Variants in AKT3 observed in about 807,000 individuals in gnomAD.
AKT3 encodes the protein AKT serine/threonine kinase 3.
AKT3 carries 15 observed loss-of-function variants against 65.3 expected under a neutral mutation model. That is an observed-to-expected ratio of 0.23 (90% CI 0.15 to 0.35). The LOEUF (loss-of-function observed/expected upper bound fraction) is 0.35. AKT3 is among the 10% of genes least tolerant of loss of function. The pLI is 1.00. For missense variants in AKT3, 243 were observed against 576.5 expected (o/e 0.42, Z 5.92); for synonymous variants, 206 against 183.8 (o/e 1.12, Z -0.98).
chr1:243,681,708 T>C (rs570654058), intron 3 of AKT3, among the ~76,000 whole-genome samples: 2 of 152,140 alleles, frequency 1.3e-5, no homozygotes, highest in African/African-American at 2.4e-5. Context: ...CATATATGAT[T>C]AAATGCATTC....
At chr1:243,809,543 G>A (rs1447785651) in intron 2 of AKT3, among the ~76,000 whole-genome samples, 3 of 152,310 alleles carry the variant, frequency 2.0e-5, no homozygotes, top group Admixed American at 1.3e-4. Flanking sequence ...CAAGACCTTA[G>A]AGACCTACAA....
chr1:243,826,833 G>A (rs1056324471), intron 2 of AKT3, among the ~76,000 whole-genome samples: 3 of 152,056 alleles, frequency 2.0e-5, no homozygotes, highest in Non-Finnish European at 4.4e-5. Flanking sequence ...AGACTATGAT[G>A]TACAATTCCT....
At chr1:243,646,120 A>G (rs774944294) in intron 4 of AKT3, 83 bp from the exon 5 acceptor site, 142 of 1,207,590 alleles carry the variant, frequency 1.2e-4, no homozygotes, top group Non-Finnish European at 1.6e-4. Context: ...TGAAATCAAT[A>G]CAAATAAAAT....
At position 243,646,000 on chromosome 1, in the gene AKT3, T is replaced by C. The variant is rs1680780231; in HGVS notation, c.322A>G (p.Arg108Gly). Residue 108 changes from arginine to glycine, a missense_variant, in exon 5 of 14, where the codon AGA becomes GGA. Coordinates refer to ENST00000673466, the MANE Select transcript of AKT3 (RefSeq NM_005465.7). ...CTCTCCTCTTCTTGCCTCTGCAGTC[T>C]GTCTGCTACAGCCTGGATAGCTTCT... Reference protein sequence around the residue: ...WTEAIQAVADRLQRQEEERMN... With the variant: ...WTEAIQAVADGLQRQEEERMN... The C allele has an allele frequency of 1.2e-6, 2 of 1,613,148 alleles. No individual in the cohort carries two copies.
At chr1:243,722,308 G>A (rs1347404568) in intron 2 of AKT3, among the ~76,000 whole-genome samples, 1 of 152,040 alleles carries the variant, frequency 6.6e-6, no homozygotes, top group Non-Finnish European at 1.5e-5. Flanking sequence ...CAGAGAAAAA[G>A]ATATACATTA....
At chr1:243,496,358 G>A (rs913265533), downstream of AKT3, among the ~76,000 whole-genome samples, 3 of 152,238 alleles carry the variant, frequency 2.0e-5, no homozygotes, top group Admixed American at 2.0e-4. Flanking sequence ...GAGCCACCAA[G>A]CGAGGCAGGG....
rs758312599 is a variant in AKT3 at position 243,796,539 on chromosome 1, C to T, written c.46+46586G>A. On this transcript the variant is annotated intron_variant, in intron 2 of 13. Transcript: ENST00000673466. ...AGGTCTTTCAAAGCCTAAAATAATA[C>T]GGCCAATGTATGTCTATCTCTGATC... is the stretch of plus-strand genomic sequence containing the variant. Among the ~76,000 whole-genome samples the T allele has an allele frequency of 3.3e-5, 5 of 152,168 alleles. No individual in the cohort carries two copies. The East Asian group carries it at 7.7e-4, about 23-fold the overall frequency.
At chr1:243,763,488 C>A (rs1403699388) in intron 2 of AKT3, among the ~76,000 whole-genome samples, 1 of 152,080 alleles carries the variant, frequency 6.6e-6, no homozygotes. Flanking sequence ...ACTCTACCAG[C>A]CCTTCATGGA....
chr1:243,570,198 G>A (rs917980347), intron 9 of AKT3, among the ~76,000 whole-genome samples: 4 of 152,154 alleles, frequency 2.6e-5, no homozygotes, highest in Admixed American at 6.5e-5. Context: ...ATGAGACAGC[G>A]GCAAACGGGT....
chr1:243,662,629 C>T (rs1003188432), intron 4 of AKT3, among the ~76,000 whole-genome samples: 4 of 151,136 alleles, frequency 2.6e-5, no homozygotes, highest in East Asian at 2.0e-4. Context: ...GTGGGTGCAG[C>T]GCACCAGCAT....
chr1:243,511,139 G>A (rs530781106), intron 13 of AKT3, among the ~76,000 whole-genome samples: 5 of 152,356 alleles, frequency 3.3e-5, no homozygotes, highest in South Asian at 2.1e-4. Context: ...TCACTTCAAT[G>A]GATTGGTATT....
At chr1:243,685,177 T>A (rs554528301) in intron 3 of AKT3, among the ~76,000 whole-genome samples, 1 of 152,256 alleles carries the variant, frequency 6.6e-6, no homozygotes, top group Admixed American at 6.5e-5. Flanking sequence ...TTTGTCAATT[T>A]TGGCTTTTGT....
At chr1:243,637,855 A>C (rs1027102749) in intron 5 of AKT3, 113 bp from the exon 6 acceptor site, 1 of 635,390 alleles carries the variant, frequency 1.6e-6, no homozygotes, top group African/African-American at 1.9e-5. Context: ...CCAATTTATA[A>C]GCACATTTAA....
At chr1:243,686,119 T>C (rs377332525) in intron 3 of AKT3, among the ~76,000 whole-genome samples, 1 of 152,052 alleles carries the variant, frequency 6.6e-6, no homozygotes. Context: ...CACAAACAAA[T>C]GGAAAAACAT....
rs368048012 is a variant in AKT3, at chr1:243,595,091, G to A, written c.696+18580C>T. Among the ~76,000 whole-genome samples the A allele has an allele frequency of 1.1e-4, 16 of 152,154 alleles. No individual in the cohort carries two copies. In the East Asian group the frequency reaches 1.3e-3, roughly 13 times the overall value. On this transcript the variant is annotated intron_variant, in intron 8 of 13. Coordinates refer to ENST00000673466, the MANE Select transcript of AKT3 (RefSeq NM_005465.7). ...ATACATTCTGAGAAATGTGCAATTA[G>A]ACAATTTCATCATTGTGACAACATC... is the stretch of plus-strand genomic sequence containing the variant.
At chr1:243,517,311 T>C (rs978560291) in intron 12 of AKT3, among the ~76,000 whole-genome samples, 2 of 152,220 alleles carry the variant, frequency 1.3e-5, no homozygotes, top group African/African-American at 4.8e-5. Flanking sequence ...GTTCCATAAA[T>C]GTCAGTTAGA....
intron 5 of AKT3, among the ~76,000 whole-genome samples, chr1:243,642,311 G>A (rs956135601): frequency 6.6e-6 from 1 of 151,160 alleles, no homozygotes; most frequent in East Asian, 1.9e-4. Flanking sequence ...CCTTTTTTTT[G>A]TTTGTTTGTT....
intron 13 of AKT3, among the ~76,000 whole-genome samples, chr1:243,492,627 T>TG (rs1553382547): frequency 3.5e-4 from 40 of 113,308 alleles, no homozygotes; most frequent in South Asian, 2.8e-3. Flanking sequence ...TTTTTTTTTT[T>TG]GATGAGTTTT....
Position 243,505,241 on chromosome 1 carries a change from A to G in AKT3, c.*8T>C, listed in dbSNP as rs2148345039. The G allele has an allele frequency of 6.2e-7, 1 of 1,610,350 alleles. No homozygotes were observed. Among genetic ancestry groups the G allele is most frequent in the East Asian group, 2.2e-5 (1 of 44,866 alleles). Reference sequence around the variant, plus strand: ...AAGATGACAGTGAAGTAGCAGAATGAAAGAGACTTATTCTCGTCCACTTGC... The same window carrying G: ...AAGATGACAGTGAAGTAGCAGAATGGAAGAGACTTATTCTCGTCCACTTGC... On this transcript the variant is annotated 3_prime_UTR_variant, in exon 14 of 14. Transcript: ENST00000673466.
Sources: allele counts gnomAD v4.1 joint callset (sites outside exome capture counted in the v4.1 genomes callset), GRCh38; gene constraint gnomAD v4.1.1; transcripts MANE v1.5; gene names NCBI Gene and HGNC (gene_info 2026-07-23, HGNC 2026-07-21).